RALYL: variants seen among roughly 807,000 people sequenced by gnomAD.
RALYL encodes RNA-binding Raly-like protein.
Under a neutral mutation model 35.1 loss-of-function variants are expected in RALYL, and 29 were observed. The observed-to-expected ratio is 0.83, with a 90% CI of 0.61 to 1.13. The LOEUF (loss-of-function observed/expected upper bound fraction) is 1.13. Among genes scored for constraint, RALYL ranks in the 50% most tolerant of loss-of-function variants. The pLI, the probability that RALYL is intolerant of heterozygous loss-of-function variation, is 0.00. For synonymous variants in RALYL, 120 were observed against 127.6 expected (o/e 0.94, Z 0.40); for missense variants, 359 against 360.4 (o/e 1.00, Z 0.03).
chr8:84,570,562 G>A (rs62528255), intron 2 of RALYL, among the ~76,000 whole-genome samples: 1 of 151,820 alleles, frequency 6.6e-6, no homozygotes, highest in Admixed American at 6.6e-5. Context: ...CAATTTGGAT[G>A]CCTTTTATTT....
At chr8:84,541,525 A>G (rs933100141) in intron 2 of RALYL, among the ~76,000 whole-genome samples, 1 of 152,046 alleles carries the variant, frequency 6.6e-6, no homozygotes, top group Non-Finnish European at 1.5e-5. Context: ...TATGCAGTTG[A>G]CACACAGTAC....
chr8:84,891,309 A>G (rs143921329), intron 8 of RALYL, among the ~76,000 whole-genome samples: 7 of 152,224 alleles, frequency 4.6e-5, no homozygotes, highest in African/African-American at 1.7e-4. Context: ...TATCAGTCCA[A>G]TTGAACTACC....
At chr8:84,853,926 T>A (rs1307498049) in intron 5 of RALYL, among the ~76,000 whole-genome samples, 1 of 152,170 alleles carries the variant, frequency 6.6e-6, no homozygotes, top group Non-Finnish European at 1.5e-5. Context: ...GAGGTGAGCA[T>A]GAAATTAATT....
rs1331138461 is a variant in RALYL at position 84,389,190 on chromosome 8, C to A, written c.-23-140109C>A. Among the ~76,000 whole-genome samples the A allele has an allele frequency of 5.3e-5, 8 of 152,206 alleles. No individual in the cohort carries two copies. The East Asian group carries it at 1.4e-3, about 26-fold the overall frequency. ...TTATTTCTGAGGGCTCTGTTCTGTTCCATTGATCTATATCTCTGTTTTGGT... is the reference window on the plus strand; with the variant it reads ...TTATTTCTGAGGGCTCTGTTCTGTTACATTGATCTATATCTCTGTTTTGGT... On this transcript the variant is annotated intron_variant, in intron 1 of 8. Transcript: ENST00000521268.
chr8:84,710,685 T>C (rs1478837627), intron 2 of RALYL, among the ~76,000 whole-genome samples: 1 of 152,170 alleles, frequency 6.6e-6, no homozygotes, highest in African/African-American at 2.4e-5. Flanking sequence ...CACTAATCTC[T>C]AAGTTTCTTT....
chr8:84,668,048 G>A (rs922706362), intron 2 of RALYL, among the ~76,000 whole-genome samples: 1 of 152,192 alleles, frequency 6.6e-6, no homozygotes, highest in Admixed American at 6.5e-5. Context: ...TATGTTTGCA[G>A]GCTCTTTCTC....
intron 2 of RALYL, among the ~76,000 whole-genome samples, chr8:84,655,584 C>T (rs557502293): frequency 3.5e-4 from 54 of 152,244 alleles, no homozygotes; most frequent in African/African-American, 1.2e-3. Context: ...CAGCCTTGGC[C>T]TCCCAATGTG....
At chr8:84,436,833 A>C (rs560633333) in intron 1 of RALYL, among the ~76,000 whole-genome samples, 1 of 151,290 alleles carries the variant, frequency 6.6e-6, no homozygotes, top group South Asian at 2.1e-4. Flanking sequence ...GACATTTAAC[A>C]TAAGATCTAC....
chr8:84,314,194 A>G (rs1843328524), intron 1 of RALYL, among the ~76,000 whole-genome samples: 1 of 152,096 alleles, frequency 6.6e-6, no homozygotes, highest in African/African-American at 2.4e-5. Flanking sequence ...CAAGGGTACA[A>G]CATGGGGAAA....
chr8:84,672,015 G>A (rs147016896), intron 2 of RALYL, among the ~76,000 whole-genome samples: 2,308 of 152,228 alleles, frequency 0.015, 29 homozygotes, highest in Middle Eastern at 0.054. Context: ...CATTTTAAAT[G>A]TTCCAAACCA....
chr8:84,533,913 C>A (rs780021166), intron 2 of RALYL, among the ~76,000 whole-genome samples: 3 of 152,148 alleles, frequency 2.0e-5, no homozygotes, highest in Non-Finnish European at 4.4e-5. Context: ...GTAACAATTC[C>A]CGTCAAGCAT....
intron 1 of RALYL, among the ~76,000 whole-genome samples, chr8:84,388,143 T>C (rs1186959541): frequency 6.6e-6 from 1 of 152,092 alleles, no homozygotes; most frequent in African/African-American, 2.4e-5. Context: ...ATTTCCAATT[T>C]CATCCATGTC....
intron 1 of RALYL, among the ~76,000 whole-genome samples, chr8:84,409,915 G>T (rs1251509441): frequency 6.6e-6 from 1 of 151,804 alleles, no homozygotes; most frequent in Admixed American, 6.6e-5. Context: ...CTATGATGTT[G>T]TAGAACAAAT....
At chr8:84,709,772 A>C (rs981042880) in intron 2 of RALYL, among the ~76,000 whole-genome samples, 1 of 152,066 alleles carries the variant, frequency 6.6e-6, no homozygotes. Flanking sequence ...TCAAGCTACC[A>C]ATTGTCAGCC....
chr8:84,614,227 C>T lies in RALYL; in HGVS notation c.256+84650C>T, dbSNP rs188239407. On this transcript the variant is annotated intron_variant, in intron 2 of 8. Coordinates refer to ENST00000521268, the MANE Select transcript of RALYL (RefSeq NM_173848.7). Reference sequence around the variant, plus strand: ...GTTGCTGTTGTTATTAATATAAGTACGAGTATCAGTATTACTCTCAGAATA... The same window carrying T: ...GTTGCTGTTGTTATTAATATAAGTATGAGTATCAGTATTACTCTCAGAATA... Among the ~76,000 whole-genome samples, 48 of 151,502 alleles carry T rather than the reference C, an allele frequency of 3.2e-4. 6 individuals carry two copies. The highest frequency in any genetic ancestry group is 1.1e-3 in the African/African-American group (44 of 41,074).
At chr8:84,777,728 G>C (rs1343250214) in intron 3 of RALYL, among the ~76,000 whole-genome samples, 2 of 152,056 alleles carry the variant, frequency 1.3e-5, no homozygotes, top group African/African-American at 4.8e-5. Context: ...TGCAAGCTCC[G>C]CCTTCCAGGT....
intron 1 of RALYL, among the ~76,000 whole-genome samples, chr8:84,388,112 G>T (rs562762558): frequency 3.3e-5 from 5 of 151,904 alleles, no homozygotes; most frequent in Non-Finnish European, 7.4e-5. Flanking sequence ...TTGTTCTTGC[G>T]ATAGTTTACT....
At chr8:84,787,589 A>G (rs541115899) in intron 3 of RALYL, among the ~76,000 whole-genome samples, 1 of 152,324 alleles carries the variant, frequency 6.6e-6, no homozygotes, top group African/African-American at 2.4e-5. Flanking sequence ...TCCTTGAGGA[A>G]TTGCCACACT....
At chr8:84,199,808 G>T (rs988264781) in intron 1 of RALYL, among the ~76,000 whole-genome samples, 40 of 152,100 alleles carry the variant, frequency 2.6e-4, no homozygotes, top group Non-Finnish European at 5.6e-4. Context: ...TTCACTCTAG[G>T]TGTGTGAATT....
Sources: allele counts gnomAD v4.1 joint callset (sites outside exome capture counted in the v4.1 genomes callset), GRCh38; gene constraint gnomAD v4.1.1; transcripts MANE v1.5; gene names NCBI Gene and HGNC (gene_info 2026-07-23, HGNC 2026-07-21).